Variants in GFPT2 observed in about 807,000 individuals in gnomAD.
The protein encoded by GFPT2 is glutamine--fructose-6-phosphate aminotransferase [isomerizing] 2.
A neutral mutation model predicts 85.6 loss-of-function variants in GFPT2; 62 were observed. The ratio of observed to expected loss-of-function variants is 0.72; its 90% CI spans 0.59 to 0.90. The LOEUF is 0.90. GFPT2 is among the 40% of genes least tolerant of loss of function. The pLI, the probability that GFPT2 is intolerant of heterozygous loss-of-function variation, is 0.00. For missense variants in GFPT2, 788 were observed against 893.4 expected (o/e 0.88, Z 1.50); for synonymous variants, 368 against 344.5 (o/e 1.07, Z -0.75).
intron 1 of GFPT2, 26 bp from the exon 2 acceptor site, chr5:180,338,626 A>G: frequency 1.5e-6 from 2 of 1,338,256 alleles, no homozygotes; most frequent in South Asian, 1.2e-5. Flanking sequence ...AAAATGGTGC[A>G]TTCATAAAAT....
At chr5:180,308,032 G>A (rs572135062) in intron 15 of GFPT2, among the ~76,000 whole-genome samples, 15 of 152,214 alleles carry the variant, frequency 9.9e-5, no homozygotes, top group East Asian at 3.9e-4. Context: ...TGGGGCAGGC[G>A]GATCACGAGG....
rs1335278161 is a variant in GFPT2 at position 180,313,840 on chromosome 5, G to A, written c.1398C>T (p.Asn466=). ...SRETDCGVHI[N]AGPEIGVAST... is the part of the protein sequence containing the mutation. ...TGGCCACGCCGATCTCCGGCCCTGC[G>A]TTGATGTGGACGCCGCAGTCGGTCT... Residue 466 remains asparagine, a synonymous_variant, in exon 14 of 19, where the codon AAC becomes AAT. Coordinates refer to ENST00000253778, the MANE Select transcript of GFPT2 (RefSeq NM_005110.4). 6.3e-7 allele frequency: 1 copy of A among 1,589,338 alleles called. No individual in the cohort carries two copies. The highest frequency in any genetic ancestry group is 1.3e-5 in the African/African-American group (1 of 74,718).
intron 4 of GFPT2, among the ~76,000 whole-genome samples, chr5:180,333,445 A>G (rs915247365): frequency 2.6e-5 from 4 of 151,942 alleles, no homozygotes; most frequent in African/African-American, 9.7e-5. Flanking sequence ...CGTGTTAGCC[A>G]GGATGGTCTC....
intron 15 of GFPT2, among the ~76,000 whole-genome samples, chr5:180,310,699 CCG>C (rs1763863253): frequency 7.0e-6 from 1 of 143,736 alleles, no homozygotes. Context: ...GCGTGAGCCA[CCG>C]CGCCCGGCCA....
chr5:180,322,917 T>C (rs1005477543), intron 9 of GFPT2, among the ~76,000 whole-genome samples: 4 of 151,690 alleles, frequency 2.6e-5, no homozygotes, highest in African/African-American at 9.7e-5. Flanking sequence ...GCACCTGTAG[T>C]CCCAGCTACT....
intron 1 of GFPT2, chr5:180,352,548 C>T (rs907089353): frequency 2.2e-6 from 1 of 446,354 alleles, no homozygotes; most frequent in African/African-American, 2.1e-5. Context: ...CGCTCCCCGC[C>T]CCGGACTCCC....
intron 14 of GFPT2, among the ~76,000 whole-genome samples, chr5:180,313,563 C>T (rs79761325): frequency 6.6e-6 from 1 of 150,736 alleles, no homozygotes; most frequent in African/African-American, 2.4e-5. Context: ...GCACTCCAGC[C>T]TGGGCGACAG....
At chr5:180,307,093 C>G (rs986744638) in intron 16 of GFPT2, 83 bp downstream of exon 16, 9 of 1,206,330 alleles carry the variant, frequency 7.5e-6, no homozygotes, top group Non-Finnish European at 1.1e-5. Context: ...CCAAGCCCAA[C>G]GCCCTGCCCT....
At position 180,352,339 on chromosome 5, in the gene GFPT2, G is replaced by GAAA. The variant is rs34831746; in HGVS notation, c.7+869_7+871dup. The GAAA allele has an allele frequency of 4.8e-3, 1,644 of 343,260 alleles. 2 individuals are homozygous for GAAA. Among genetic ancestry groups the GAAA allele is most frequent in the Admixed American group, 6.6e-3 (168 of 25,644 alleles). The allele number at this position is 343,260 out of a possible 1,614,324, so 21.3% of individuals were successfully genotyped here. A position where few individuals can be genotyped will look rare whatever the true frequency, so the allele number is the denominator to read the frequency against. ...AATGGGTAACCGAATCCTACTCAAG[G>GAAA]AAAAAAAAAAAAAAAAAAAAGAGCA... On this transcript the variant is annotated intron_variant, in intron 1 of 18. Transcript: ENST00000253778.
chr5:180,317,531 G>A lies in GFPT2; in HGVS notation c.959-473C>T, dbSNP rs559706231. Among the ~76,000 whole-genome samples the A allele has an allele frequency of 1.3e-4, 20 of 151,450 alleles. No individual in the cohort carries two copies. The East Asian group carries it at 3.5e-3, about 26-fold the overall frequency. On this transcript the variant is annotated intron_variant, in intron 10 of 18. Coordinates refer to ENST00000253778, the MANE Select transcript of GFPT2 (RefSeq NM_005110.4). ...TCCCAGCACTTTGGGAGGCCGAGGC[G>A]GGCGGATCACGAAGTCAGGAGATCG...
intron 1 of GFPT2, chr5:180,352,970 G>A: frequency 2.5e-6 from 1 of 397,218 alleles, no homozygotes; most frequent in Non-Finnish European, 4.4e-6. Flanking sequence ...CCCTCACTGT[G>A]TCCGAGACCA....
rs1004024831 is a variant in GFPT2 at position 180,352,181 on chromosome 5, G to A, written c.7+1030C>T. On this transcript the variant is annotated intron_variant, in intron 1 of 18. Coordinates refer to ENST00000253778, the MANE Select transcript of GFPT2 (RefSeq NM_005110.4). ...CCCTTCTGCCGAGCAGCTGGCCTCC[G>A]AGACAAGAGGCCTGCACAGACCTCG... is the stretch of plus-strand genomic sequence containing the variant. 5.9e-5 allele frequency among the ~76,000 whole-genome samples: 9 copies of A among 152,098 alleles called. No individual in the cohort carries two copies. The South Asian group carries it at 6.2e-4, about 11-fold the overall frequency.
chr5:180,310,031 C>T (rs375944311), intron 15 of GFPT2, among the ~76,000 whole-genome samples: 4 of 151,532 alleles, frequency 2.6e-5, no homozygotes, highest in Admixed American at 6.6e-5. Context: ...AGGATGGTCT[C>T]GATCTCCTGA....
At chr5:180,303,089 G>T (rs985820804) in intron 17 of GFPT2, among the ~76,000 whole-genome samples, 30 of 144,132 alleles carry the variant, frequency 2.1e-4, no homozygotes, top group African/African-American at 7.3e-4. Context: ...AATTAGCCGG[G>T]TGTGGTGGCG....
Position 180,302,455 on chromosome 5 carries a change from A to G in GFPT2, c.1972T>C (p.Ser658Pro). 1 of 1,614,086 alleles carries G rather than the reference A, an allele frequency of 6.2e-7. No homozygotes were observed. Among genetic ancestry groups the G allele is most frequent in the Non-Finnish European group, 8.5e-7 (1 of 1,179,994 alleles). ...ILSVIPLQLL[S>P]FHLAVLRGYD... ...CCTCGGAGAACAGCCAGGTGGAAGG[A>G]CAGCAGCTGCAGCGGAATCACGCTC... is the stretch of plus-strand genomic sequence containing the variant. The change falls in exon 18 of 19, where the codon TCC (serine) becomes CCC (proline). Residue 658 changes from serine (S) to proline (P), a missense_variant. By Grantham distance (74) the Ser-to-Pro change is moderately conservative. Transcript: ENST00000253778.
intron 4 of GFPT2, among the ~76,000 whole-genome samples, chr5:180,332,616 C>T (rs777287320): frequency 1.4e-4 from 22 of 152,154 alleles, no homozygotes; most frequent in African/African-American, 4.8e-4. Context: ...TGGCTCACCA[C>T]GACTGCTGCC....
rs550483131 is a variant in GFPT2 at position 180,336,404 on chromosome 5, G to A, written c.214+75C>T. The A allele has an allele frequency of 3.3e-4, 271 of 830,792 alleles. 1 individual carries two copies. Among genetic ancestry groups the A allele is most frequent in the Non-Finnish European group, 5.4e-4 (249 of 465,390 alleles). 51.5% of individuals were successfully genotyped at this position (830,792 alleles called of 1,614,324 possible). A position where few individuals can be genotyped will look rare whatever the true frequency, so the allele number is the denominator to read the frequency against. Reference sequence around the variant, plus strand: ...GGACAAAGGAGAATCTCCATTCTCCGGCGCTGTTGGAATACGGTCCTAGAA... The same window carrying A: ...GGACAAAGGAGAATCTCCATTCTCCAGCGCTGTTGGAATACGGTCCTAGAA... On this transcript the variant is annotated intron_variant, in intron 3 of 18. Coordinates refer to ENST00000253778, the MANE Select transcript of GFPT2 (RefSeq NM_005110.4).
intron 1 of GFPT2, among the ~76,000 whole-genome samples, chr5:180,340,369 G>A (rs1247375921): frequency 6.6e-6 from 1 of 151,700 alleles, no homozygotes; most frequent in African/African-American, 2.4e-5. Flanking sequence ...ACCACACCTG[G>A]CTAATTTTGT....
chr5:180,333,296 G>A (rs571526095), intron 4 of GFPT2, among the ~76,000 whole-genome samples: 13 of 151,662 alleles, frequency 8.6e-5, no homozygotes, highest in South Asian at 4.2e-4. Flanking sequence ...GTGCAGTGGC[G>A]CGAGCTCGGC....
Sources: gnomAD v4.1 joint callset for allele counts (sites outside exome capture counted in the v4.1 genomes callset) on GRCh38, gnomAD v4.1.1 for gene constraint, MANE v1.5 for transcripts, NCBI Gene and HGNC (gene_info 2026-07-23, HGNC 2026-07-21) for gene names.